Variants in PCDHA2 observed in about 807,000 individuals in gnomAD.
PCDHA2 encodes protocadherin alpha 2.
In PCDHA2, 58 loss-of-function variants were observed where a neutral mutation model predicts 66.0. That is an observed-to-expected ratio of 0.88 (90% CI 0.71 to 1.09). PCDHA2 has a LOEUF of 1.09. Among genes scored for constraint, PCDHA2 ranks in the 50% least tolerant of loss-of-function variants. PCDHA2 has a pLI of 0.00. For missense variants in PCDHA2, 1,267 were observed against 1,242.3 expected, an observed-to-expected ratio of 1.02 and a Z score of -0.30; for synonymous variants, 634 against 554.0, an observed-to-expected ratio of 1.14 and a Z score of -2.03.
chr5:140,875,432 T>C (rs1268206649), intron 1 of PCDHA2: 3 of 1,559,782 alleles, frequency 1.9e-6, no homozygotes, highest in Non-Finnish European at 2.6e-6. Flanking sequence ...AGCGATCCCT[T>C]AAAACTGATT....
chr5:140,924,768 G>C lies in PCDHA2; in HGVS notation c.2389-54181G>C, dbSNP rs562954470. ...AAATTAACCGAGCATGGTGGTGCGCGCTTGTAGTCCTAGCTACTTAGGAGG... is the reference window on the plus strand; with the variant it reads ...AAATTAACCGAGCATGGTGGTGCGCCCTTGTAGTCCTAGCTACTTAGGAGG... On this transcript the variant is annotated intron_variant, in intron 1 of 3. Coordinates refer to ENST00000526136, the MANE Select transcript of PCDHA2 (RefSeq NM_018905.3). Among the ~76,000 whole-genome samples the C allele has an allele frequency of 3.9e-3, 597 of 151,896 alleles. 3 individuals are homozygous for C. The highest frequency in any genetic ancestry group is 0.014 in the African/African-American group (579 of 41,424).
At position 140,829,573 on chromosome 5, in the gene PCDHA2, G is replaced by T. The variant is rs149144253; in HGVS notation, c.2388+32221G>T. The T allele has an allele frequency of 5.4e-4, 868 of 1,612,504 alleles. 2 individuals carry two copies. The highest frequency in any genetic ancestry group is 3.7e-3 in the African/African-American group (279 of 75,014). The stretch of plus-strand genomic sequence containing the variant: ...AGAACGCGCTGGTGTCCTACTCGCT[G>T]GTGGAGCGGCGGGTGGGCGAGCGCG... On this transcript the variant is annotated intron_variant, in intron 1 of 3. Coordinates refer to ENST00000526136, the MANE Select transcript of PCDHA2 (RefSeq NM_018905.3).
intron 1 of PCDHA2, chr5:140,871,407 C>G: frequency 6.2e-7 from 1 of 1,614,070 alleles, no homozygotes; most frequent in Non-Finnish European, 8.5e-7. Context: ...AGACGGACCT[C>G]ATGGCCTTCA....
rs140356413 is a variant in PCDHA2, at chr5:140,945,687, T to C, written c.2389-33262T>C. On this transcript the variant is annotated intron_variant, in intron 1 of 3. Transcript: ENST00000526136. ...CCCAGAAATAAATCCACACAGTTAC[T>C]GTCCACTGATTTGCAACAAAAGTAT... 6.6e-3 allele frequency among the ~76,000 whole-genome samples: 1,005 copies of C among 152,204 alleles called. 10 individuals carry two copies. The highest frequency in any genetic ancestry group is 0.023 in the African/African-American group (952 of 41,538).
At chr5:140,867,196 T>G (rs2049814377) in intron 1 of PCDHA2, 1 of 152,086 alleles carries the variant, frequency 6.6e-6, no homozygotes, top group Non-Finnish European at 1.5e-5. Context: ...AGACTCCACA[T>G]TCCATGTAAC....
At chr5:140,836,354 C>T in intron 1 of PCDHA2, 2 of 1,613,672 alleles carry the variant, frequency 1.2e-6, no homozygotes, top group South Asian at 1.1e-5. Flanking sequence ...ACGGGGAGCC[C>T]TCGCTGACAG....
intron 1 of PCDHA2, chr5:140,850,407 G>A (rs2150482736): frequency 6.3e-7 from 1 of 1,597,938 alleles, no homozygotes; most frequent in Admixed American, 1.7e-5. Flanking sequence ...GCGTGCCCTG[G>A]ACGAAACGGA....
chr5:140,982,561 C>G lies in PCDHA2; in HGVS notation c.2534C>G (p.Pro845Arg), dbSNP rs560422677. ...QQWPTVSSAT[P>R]EPEAGEVSPP... The stretch of plus-strand genomic sequence containing the variant: ...TGGCCAACAGTATCCAGTGCAACAC[C>G]AGGTAAAGAGCTGGGGTCTCTCCAT... The change falls in exon 3 of 4, where the codon CCA (proline) becomes CGA (arginine). Residue 845 changes from proline (P) to arginine (R), a missense_variant and splice_region_variant. By Grantham distance (103) the Pro-to-Arg change is moderately radical. Coordinates refer to ENST00000526136, the MANE Select transcript of PCDHA2 (RefSeq NM_018905.3). The G allele has an allele frequency of 6.2e-7, 1 of 1,614,060 alleles. No individual in the cohort carries two copies. Among genetic ancestry groups the G allele is most frequent in the African/African-American group, 1.3e-5 (1 of 75,052 alleles).
intron 1 of PCDHA2, among the ~76,000 whole-genome samples, chr5:140,972,955 C>T (rs1450892735): frequency 6.6e-6 from 1 of 152,080 alleles, no homozygotes; most frequent in African/African-American, 2.4e-5. Context: ...AGCCACCATG[C>T]CCGGCAAAGG....
chr5:140,856,947 A>C (rs1486886568), intron 1 of PCDHA2: 2 of 1,592,142 alleles, frequency 1.3e-6, no homozygotes, highest in Non-Finnish European at 1.7e-6. Context: ...AGGACGGGAG[A>C]AATAAAAGTA....
rs1776053531 is a variant in PCDHA2 at position 140,839,144 on chromosome 5, A to G, written c.2388+41792A>G. ...ATATGTCATTCACATAAGCAGACCAAGTTTGCTGCTCTTGTTGAAAGATAT... is the reference window on the plus strand; with the variant it reads ...ATATGTCATTCACATAAGCAGACCAGGTTTGCTGCTCTTGTTGAAAGATAT... On this transcript the variant is annotated intron_variant, in intron 1 of 3. Transcript: ENST00000526136. Among the ~76,000 whole-genome samples, 3 of 136,814 alleles carry G rather than the reference A, an allele frequency of 2.2e-5. No individual in the cohort carries two copies. The South Asian group carries it at 7.1e-4, about 33-fold the overall frequency. The allele number at this position is 136,814 out of a possible 152,430, so 89.8% of individuals were successfully genotyped here.
At chr5:140,801,873 A>G (rs782622621) in intron 1 of PCDHA2, 2 of 1,614,014 alleles carry the variant, frequency 1.2e-6, no homozygotes, top group East Asian at 4.5e-5. Flanking sequence ...CACTGGCACG[A>G]CTCAACTAAA....
intron 1 of PCDHA2, among the ~76,000 whole-genome samples, chr5:140,974,549 T>C (rs373257165): frequency 6.6e-6 from 1 of 152,216 alleles, no homozygotes; most frequent in African/African-American, 2.4e-5. Context: ...TTTGCTCTTG[T>C]TGCCCAGGCT....
At position 140,825,360 on chromosome 5, in the gene PCDHA2, A is replaced by G. The variant is rs1051458898; in HGVS notation, c.2388+28008A>G. 2.7e-5 allele frequency: 4 copies of G among 147,186 alleles called. No homozygotes were observed. The South Asian group carries it at 6.3e-4, about 23-fold the overall frequency. 9.1% of individuals were successfully genotyped at this position (147,186 alleles called of 1,614,324 possible). A position where few individuals can be genotyped will look rare whatever the true frequency, so the allele number is the denominator to read the frequency against. ...TTTCAATATATCTAATATATATTAG[A>G]TATATAAATATCTAAAATATCTAAT... On this transcript the variant is annotated intron_variant, in intron 1 of 3. Coordinates refer to ENST00000526136, the MANE Select transcript of PCDHA2 (RefSeq NM_018905.3).
intron 1 of PCDHA2, among the ~76,000 whole-genome samples, chr5:140,964,719 C>T (rs1042863318): frequency 1.3e-5 from 2 of 151,420 alleles, no homozygotes; most frequent in Non-Finnish European, 2.9e-5. Flanking sequence ...ATCAAATTAC[C>T]ACAGCAAACT....
chr5:140,977,232 A>G (rs2096751038), intron 1 of PCDHA2, among the ~76,000 whole-genome samples: 1 of 152,368 alleles, frequency 6.6e-6, no homozygotes, highest in East Asian at 1.9e-4. Flanking sequence ...ACCCAATCAT[A>G]GAAAAATTGG....
chr5:140,865,381 G>A (rs1260895548), intron 1 of PCDHA2: 3 of 152,122 alleles, frequency 2.0e-5, no homozygotes, highest in African/African-American at 7.2e-5. Context: ...TATAGGTAGG[G>A]TAAAGTTAAT....
intron 1 of PCDHA2, among the ~76,000 whole-genome samples, chr5:140,800,832 T>C (rs1347087472): frequency 1.3e-5 from 2 of 152,208 alleles, no homozygotes; most frequent in African/African-American, 4.8e-5. Flanking sequence ...ATTAGCACAA[T>C]TGATAGTGAA....
chr5:140,919,509 A>G (rs897648504), intron 1 of PCDHA2, among the ~76,000 whole-genome samples: 1 of 152,052 alleles, frequency 6.6e-6, no homozygotes, highest in Non-Finnish European at 1.5e-5. Context: ...CTTTTTCTAT[A>G]TGTTTTAATT....
Sources: allele counts gnomAD v4.1 joint callset (sites outside exome capture counted in the v4.1 genomes callset), GRCh38; gene constraint gnomAD v4.1.1; transcripts MANE v1.5; gene names NCBI Gene and HGNC (gene_info 2026-07-23, HGNC 2026-07-21).